SULF2: variants seen among roughly 807,000 people sequenced by gnomAD.
The protein encoded by SULF2 is sulfatase 2.
A neutral mutation model predicts 107.7 loss-of-function variants in SULF2; 52 were observed. That is an observed-to-expected ratio of 0.48 (90% CI 0.39 to 0.61). The LOEUF (loss-of-function observed/expected upper bound fraction) is 0.61. Among genes scored for constraint, SULF2 ranks in the 20% least tolerant of loss-of-function variants. The pLI is 0.00. For missense variants in SULF2, 993 were observed against 1,177.3 expected, an observed-to-expected ratio of 0.84 and a Z score of 2.29; for synonymous variants, 460 against 464.3, an observed-to-expected ratio of 0.99 and a Z score of 0.12.
intron 4 of SULF2, among the ~76,000 whole-genome samples, chr20:47,698,869 T>C (rs2088472240): frequency 6.6e-6 from 1 of 152,044 alleles, no homozygotes; most frequent in Admixed American, 6.6e-5. Flanking sequence ...CCATCTCTAC[T>C]AAAAATACAA....
intron 2 of SULF2, among the ~76,000 whole-genome samples, chr20:47,756,953 T>C (rs969745393): frequency 1.3e-5 from 2 of 152,182 alleles, no homozygotes; most frequent in African/African-American, 4.8e-5. Context: ...GCCTGTTCTC[T>C]TTAACTCTTT....
chr20:47,746,233 C>T (rs1292934999), intron 2 of SULF2, among the ~76,000 whole-genome samples: 2 of 152,234 alleles, frequency 1.3e-5, no homozygotes, highest in Non-Finnish European at 2.9e-5. Flanking sequence ...AGGTAACGCT[C>T]TACTGGGGCC....
intron 1 of SULF2, among the ~76,000 whole-genome samples, chr20:47,768,882 G>GTTTTTTT (rs11473246): frequency 7.1e-5 from 9 of 127,458 alleles, no homozygotes; most frequent in Non-Finnish European, 1.3e-4. Context: ...TTGTGTGCGT[G>GTTTTTTT]TTTTTTTTTT....
intron 1 of SULF2, among the ~76,000 whole-genome samples, chr20:47,780,211 T>C (rs1044894290): frequency 2.0e-5 from 3 of 151,956 alleles, no homozygotes; most frequent in Non-Finnish European, 4.4e-5. Flanking sequence ...GAGATGAGGT[T>C]TCACCGTGTT....
At chr20:47,740,023 G>A (rs2089840417) in intron 2 of SULF2, among the ~76,000 whole-genome samples, 1 of 152,184 alleles carries the variant, frequency 6.6e-6, no homozygotes. Flanking sequence ...CTTGGGTGTT[G>A]CAACCTTCTG....
chr20:47,673,919 C>T (rs967305125), intron 10 of SULF2, among the ~76,000 whole-genome samples: 9 of 152,236 alleles, frequency 5.9e-5, no homozygotes, highest in African/African-American at 2.2e-4. Flanking sequence ...AGCCTCCTGT[C>T]CACTTAGCTC....
intron 1 of SULF2, among the ~76,000 whole-genome samples, chr20:47,776,482 C>A (rs1428871538): frequency 6.6e-6 from 1 of 152,044 alleles, no homozygotes; most frequent in Non-Finnish European, 1.5e-5. Flanking sequence ...ACAAAGTGCT[C>A]GGTAAATGTG....
At chr20:47,758,169 T>TC in intron 1 of SULF2, among the ~76,000 whole-genome samples, 1 of 138,926 alleles carries the variant, frequency 7.2e-6, no homozygotes, top group East Asian at 2.0e-4. Context: ...TTCCTTTTTT[T>TC]TTTTTTTTTT....
chr20:47,755,229 G>A (rs1170110432), intron 2 of SULF2, among the ~76,000 whole-genome samples: 2 of 152,154 alleles, frequency 1.3e-5, no homozygotes, highest in African/African-American at 4.8e-5. Context: ...AGAAATCTCT[G>A]TATTTTAAGT....
intron 2 of SULF2, among the ~76,000 whole-genome samples, chr20:47,746,117 T>C (rs892502877): frequency 1.3e-5 from 2 of 152,194 alleles, no homozygotes; most frequent in Non-Finnish European, 2.9e-5. Flanking sequence ...ACCCCTACCA[T>C]GCCGACTTCC....
chr20:47,743,185 C>T (rs1403791048), intron 2 of SULF2, among the ~76,000 whole-genome samples: 1 of 152,048 alleles, frequency 6.6e-6, no homozygotes, highest in Non-Finnish European at 1.5e-5. Flanking sequence ...AAGAATGGGG[C>T]AGGGAGAAAA....
At chr20:47,754,507 G>A (rs370135896) in intron 2 of SULF2, among the ~76,000 whole-genome samples, 1 of 152,176 alleles carries the variant, frequency 6.6e-6, no homozygotes, top group South Asian at 2.1e-4. Flanking sequence ...AAAACCCAGT[G>A]CTGCTGGTGG....
At chr20:47,700,938 G>A (rs184266022) in intron 4 of SULF2, among the ~76,000 whole-genome samples, 2 of 152,170 alleles carry the variant, frequency 1.3e-5, no homozygotes, top group Admixed American at 6.5e-5. Context: ...GAGCCACTGC[G>A]CCTGGCCGGG....
intron 1 of SULF2, among the ~76,000 whole-genome samples, chr20:47,760,965 G>A (rs1322309943): frequency 6.6e-6 from 1 of 152,236 alleles, no homozygotes. Context: ...GTTACTTGCT[G>A]AAAGACCCTG....
At chr20:47,750,656 A>G (rs2090139542) in intron 2 of SULF2, among the ~76,000 whole-genome samples, 1 of 152,296 alleles carries the variant, frequency 6.6e-6, no homozygotes, top group African/African-American at 2.4e-5. Context: ...AATGTCCTCT[A>G]TTGGTGTCCA....
At chr20:47,734,839 A>C (rs766377004) in intron 3 of SULF2, among the ~76,000 whole-genome samples, 13 of 152,252 alleles carry the variant, frequency 8.5e-5, no homozygotes, top group Admixed American at 7.2e-4. Flanking sequence ...AATGAATCAT[A>C]GTTGAATAAA....
At position 47,684,469 on chromosome 20, in the gene SULF2, A is replaced by G; in HGVS notation, c.850T>C (p.Leu284=). 1 of 1,613,556 alleles carries G rather than the reference A, an allele frequency of 6.2e-7. No individual in the cohort carries two copies. Among genetic ancestry groups the G allele is most frequent in the South Asian group, 1.1e-5 (1 of 91,042 alleles). ...EFTNMLQRKR[L]QTLMSVDDSM... ...TCGTCCACCGACATGAGGGTCTGCA[A>G]GCGCTTCCGCTGGAGCATGTTGGTG... The change falls in exon 6 of 21, where the codon TTG becomes CTG. Residue 284 remains leucine, a synonymous_variant. Transcript: ENST00000688720.
chr20:47,659,027 T>C (rs1415746995), intron 20 of SULF2, among the ~76,000 whole-genome samples: 1 of 152,210 alleles, frequency 6.6e-6, no homozygotes, highest in Non-Finnish European at 1.5e-5. Context: ...GCATGGGCTT[T>C]TTGGAAACCA....
At chr20:47,774,125 A>T (rs960561343) in intron 1 of SULF2, among the ~76,000 whole-genome samples, 8 of 152,228 alleles carry the variant, frequency 5.3e-5, no homozygotes, top group Admixed American at 3.9e-4. Context: ...TTACCAAATC[A>T]CCTGCTACAT....
Sources: gnomAD v4.1 joint callset for allele counts (sites outside exome capture counted in the v4.1 genomes callset) on GRCh38, gnomAD v4.1.1 for gene constraint, MANE v1.5 for transcripts, NCBI Gene and HGNC (gene_info 2026-07-23, HGNC 2026-07-21) for gene names.